CLIC4: variants seen among roughly 807,000 people sequenced by gnomAD.
The protein encoded by CLIC4 is chloride intracellular channel protein 4.
Under a neutral mutation model 24.6 loss-of-function variants are expected in CLIC4, and 13 were observed. The ratio of observed to expected loss-of-function variants is 0.53; its 90% confidence interval spans 0.34 to 0.84. CLIC4 has a LOEUF of 0.84. Ranked by LOEUF, CLIC4 falls within the 40% of genes least tolerant of loss-of-function variation. The pLI, the probability that CLIC4 is intolerant of heterozygous loss-of-function variation, is 0.01. For missense variants in CLIC4, 227 were observed against 301.7 expected, an observed-to-expected ratio of 0.75 and a Z score of 1.83; for synonymous variants, 104 against 111.3, an observed-to-expected ratio of 0.93 and a Z score of 0.41.
At chr1:24,791,497 T>C (rs1639333633) in intron 1 of CLIC4, among the ~76,000 whole-genome samples, 3 of 152,322 alleles carry the variant, frequency 2.0e-5, no homozygotes, top group African/African-American at 7.2e-5. Flanking sequence ...GCCAGGACTT[T>C]GGGAGGCTGA....
chr1:24,754,086 C>T (rs1305201977), intron 1 of CLIC4, among the ~76,000 whole-genome samples: 2 of 152,108 alleles, frequency 1.3e-5, no homozygotes, highest in Admixed American at 6.5e-5. Context: ...TAATGAAAAC[C>T]TATTATTTTA....
chr1:24,745,640 C>T lies in CLIC4; in HGVS notation c.72+15C>T, dbSNP rs1321315314. 1 of 1,538,940 alleles carries T rather than the reference C, an allele frequency of 6.5e-7. No individual in the cohort carries two copies. Among genetic ancestry groups the T allele is most frequent in the Admixed American group, 2.0e-5 (1 of 49,950 alleles). ...TCTTCGTCAAGGTGAGCGCTCGCCTCGCGGTCCCGCCCGGCAGATCCCCCG... is the reference window on the plus strand; with the variant it reads ...TCTTCGTCAAGGTGAGCGCTCGCCTTGCGGTCCCGCCCGGCAGATCCCCCG... On this transcript the variant is annotated intron_variant, in intron 1 of 5. Coordinates refer to ENST00000374379, the MANE Select transcript of CLIC4 (RefSeq NM_013943.3).
intron 1 of CLIC4, among the ~76,000 whole-genome samples, chr1:24,755,701 TAAAAA>T (rs145789397): frequency 4.7e-5 from 7 of 149,954 alleles, no homozygotes; most frequent in Admixed American, 2.0e-4. Context: ...AAAACAAAAT[TAAAAA>T]AAAAATAATA....
intron 1 of CLIC4, among the ~76,000 whole-genome samples, chr1:24,761,143 T>C (rs1245941539): frequency 1.3e-5 from 2 of 151,920 alleles, no homozygotes; most frequent in African/African-American, 4.8e-5. Context: ...AATGATGGAG[T>C]TGTCATTAAC....
At chr1:24,780,351 G>A (rs1216809472) in intron 1 of CLIC4, among the ~76,000 whole-genome samples, 2 of 151,996 alleles carry the variant, frequency 1.3e-5, no homozygotes, top group Non-Finnish European at 2.9e-5. Context: ...GCTTTTTTTC[G>A]ACATAGTAGG....
chr1:24,754,535 G>A (rs1638817904), intron 1 of CLIC4, among the ~76,000 whole-genome samples: 1 of 152,160 alleles, frequency 6.6e-6, no homozygotes, highest in Admixed American at 6.5e-5. Flanking sequence ...GTCAAGTAGA[G>A]GAGTAAGCTA....
chr1:24,813,160 C>A (rs189106079), intron 2 of CLIC4, among the ~76,000 whole-genome samples: 59 of 151,462 alleles, frequency 3.9e-4, no homozygotes, highest in African/African-American at 1.4e-3. Context: ...TCTCCTGCCT[C>A]AGCCTCCTGA....
intron 4 of CLIC4, among the ~76,000 whole-genome samples, chr1:24,830,820 A>G (rs902172000): frequency 1.3e-5 from 2 of 152,208 alleles, no homozygotes; most frequent in African/African-American, 2.4e-5. Flanking sequence ...TTGGAGAATA[A>G]TAGTGCTACT....
intron 4 of CLIC4, among the ~76,000 whole-genome samples, chr1:24,831,490 T>A (rs1049003959): frequency 2.6e-5 from 4 of 152,184 alleles, no homozygotes; most frequent in Non-Finnish European, 5.9e-5. Context: ...GTCAAAACAC[T>A]CAAATAGCAT....
chr1:24,747,676 G>A (rs940971208), intron 1 of CLIC4, among the ~76,000 whole-genome samples: 2 of 152,066 alleles, frequency 1.3e-5, no homozygotes, highest in East Asian at 3.9e-4. Context: ...CTCAAAAAAA[G>A]TGCATCCATG....
intron 4 of CLIC4, among the ~76,000 whole-genome samples, chr1:24,830,400 A>G (rs893671428): frequency 1.3e-5 from 2 of 152,070 alleles, no homozygotes; most frequent in Non-Finnish European, 2.9e-5. Context: ...GTATTTTATA[A>G]TATGGATTTT....
chr1:24,811,978 A>G (rs529741060), intron 2 of CLIC4, among the ~76,000 whole-genome samples: 1 of 152,296 alleles, frequency 6.6e-6, no homozygotes, highest in East Asian at 1.9e-4. Context: ...TAACAGTTTC[A>G]CCATCTTTAT....
chr1:24,750,748 C>G (rs1638763840), intron 1 of CLIC4, among the ~76,000 whole-genome samples: 1 of 152,100 alleles, frequency 6.6e-6, no homozygotes, highest in East Asian at 1.9e-4. Flanking sequence ...TGTGCCACAT[C>G]TGCACAGTTG....
chr1:24,809,907 A>G (rs752262617), intron 2 of CLIC4, among the ~76,000 whole-genome samples: 5 of 152,210 alleles, frequency 3.3e-5, no homozygotes, highest in African/African-American at 1.2e-4. Flanking sequence ...ATGTTGTTGT[A>G]TTACTTTTCT....
At chr1:24,791,585 C>A (rs761937793) in intron 1 of CLIC4, among the ~76,000 whole-genome samples, 5 of 151,652 alleles carry the variant, frequency 3.3e-5, no homozygotes, top group Non-Finnish European at 7.4e-5. Flanking sequence ...AATAAAAATA[C>A]AAAAATTGGG....
chr1:24,772,511 A>G (rs1483902581), intron 1 of CLIC4, among the ~76,000 whole-genome samples: 1 of 152,200 alleles, frequency 6.6e-6, no homozygotes, highest in Admixed American at 6.5e-5. Context: ...AGAGAGACGG[A>G]GTCTTGCTCT....
At chr1:24,777,011 C>T (rs183214450) in intron 1 of CLIC4, among the ~76,000 whole-genome samples, 51 of 152,304 alleles carry the variant, frequency 3.3e-4, no homozygotes, top group African/African-American at 1.2e-3. Context: ...GCCGTTGAGG[C>T]ATGTAAGACT....
chr1:24,838,281 G>A (rs1639905639), intron 4 of CLIC4, among the ~76,000 whole-genome samples: 2 of 152,142 alleles, frequency 1.3e-5, no homozygotes, highest in African/African-American at 4.8e-5. Flanking sequence ...TTGGCATGTA[G>A]GAGGGGCTCA....
intron 3 of CLIC4, among the ~76,000 whole-genome samples, chr1:24,822,183 G>A (rs1340018154): frequency 6.6e-6 from 1 of 152,000 alleles, no homozygotes. Context: ...TGTAAAAGAG[G>A]GAAAATGTTA....
Sources: gnomAD v4.1 joint callset for allele counts (sites outside exome capture counted in the v4.1 genomes callset) on GRCh38, gnomAD v4.1.1 for gene constraint, MANE v1.5 for transcripts, NCBI Gene and HGNC (gene_info 2026-07-23, HGNC 2026-07-21) for gene names.